SHANK2: variants seen among roughly 807,000 people sequenced by gnomAD.
The protein encoded by SHANK2 is SH3 and multiple ankyrin repeat domains 2, also known as SH3 and multiple ankyrin repeat domains protein 2.
In SHANK2, 43 loss-of-function variants were observed where a neutral mutation model predicts 133.7. That is an observed-to-expected ratio of 0.32 (90% CI 0.25 to 0.41). The LOEUF is 0.41. Among genes scored for constraint, SHANK2 ranks in the 10% least tolerant of loss-of-function variants. SHANK2 has a pLI of 1.00. For synonymous variants in SHANK2, 1,017 were observed against 952.8 expected (o/e 1.07, Z -1.24); for missense variants, 1,994 against 2,235.8 (o/e 0.89, Z 2.18).
chr11:70,847,177 T>C (rs1307810234), intron 11 of SHANK2, among the ~76,000 whole-genome samples: 1 of 152,116 alleles, frequency 6.6e-6, no homozygotes, highest in Non-Finnish European at 1.5e-5. Context: ...CCTGGGAGTG[T>C]GCTAGGGAGA....
At chr11:70,700,651 C>A (rs946198894) in intron 14 of SHANK2, among the ~76,000 whole-genome samples, 2 of 152,322 alleles carry the variant, frequency 1.3e-5, no homozygotes, top group East Asian at 3.9e-4. Context: ...TGGCATCCAG[C>A]ATCTTGCACA....
intron 5 of SHANK2, among the ~76,000 whole-genome samples, chr11:71,112,743 G>A (rs976910060): frequency 8.6e-5 from 13 of 152,000 alleles, no homozygotes; most frequent in African/African-American, 3.1e-4. Context: ...CCTCCTCCTC[G>A]ACTCGCACAG....
intron 17 of SHANK2, among the ~76,000 whole-genome samples, chr11:70,648,295 T>C (rs1306979765): frequency 2.6e-5 from 4 of 152,108 alleles, no homozygotes; most frequent in Admixed American, 6.6e-5. Context: ...TTATGGTCTG[T>C]GTATTTTACC....
At chr11:70,874,369 C>T (rs1428416344) in intron 11 of SHANK2, among the ~76,000 whole-genome samples, 1 of 152,054 alleles carries the variant, frequency 6.6e-6, no homozygotes, top group Non-Finnish European at 1.5e-5. Context: ...TCTATTGAGA[C>T]AGGGTCTCTG....
At chr11:70,665,677 C>T (rs975534708) in intron 15 of SHANK2, among the ~76,000 whole-genome samples, 12 of 152,318 alleles carry the variant, frequency 7.9e-5, no homozygotes, top group African/African-American at 2.6e-4. Context: ...TGAATTTCAA[C>T]CCAGACATTG....
intron 14 of SHANK2, among the ~76,000 whole-genome samples, chr11:70,732,770 A>G (rs928042614): frequency 7.2e-5 from 11 of 152,130 alleles, no homozygotes; most frequent in African/African-American, 2.4e-4. Context: ...TGTCCTGCCT[A>G]GGAAGCCTGC....
chr11:70,586,802 G>A (rs1478376973), intron 17 of SHANK2, among the ~76,000 whole-genome samples: 1 of 152,220 alleles, frequency 6.6e-6, no homozygotes, highest in Non-Finnish European at 1.5e-5. Context: ...CCCCGGAACG[G>A]GGAAGGACAC....
At chr11:70,502,016 G>A (rs782673374) in intron 19 of SHANK2, 85 bp from the exon 20 acceptor site, 11 of 1,454,968 alleles carry the variant, frequency 7.6e-6, no homozygotes, top group East Asian at 2.5e-5. Flanking sequence ...AACGCCCCGC[G>A]AGGCTCCGAG....
intron 14 of SHANK2, among the ~76,000 whole-genome samples, chr11:70,781,222 C>T (rs903324250): frequency 5.9e-5 from 9 of 151,872 alleles, no homozygotes; most frequent in Non-Finnish European, 1.2e-4. Flanking sequence ...AAAATAGGAA[C>T]GACAATACTG....
intron 17 of SHANK2, among the ~76,000 whole-genome samples, chr11:70,561,919 A>C (rs1001648071): frequency 6.6e-6 from 1 of 152,164 alleles, no homozygotes; most frequent in African/African-American, 2.4e-5. Flanking sequence ...CTTCTTTTCT[A>C]GTATAGATAT....
At chr11:70,868,838 G>A (rs562148968) in intron 11 of SHANK2, among the ~76,000 whole-genome samples, 5 of 152,180 alleles carry the variant, frequency 3.3e-5, no homozygotes, top group Admixed American at 6.5e-5. Flanking sequence ...CTCACCCAGG[G>A]TGCCAAAGTC....
intron 13 of SHANK2, among the ~76,000 whole-genome samples, chr11:70,806,716 G>A (rs1200101560): frequency 6.6e-6 from 1 of 152,194 alleles, no homozygotes; most frequent in African/African-American, 2.4e-5. Context: ...TCTGCTCTTC[G>A]ATGCCCTCAT....
chr11:71,204,919 C>T (rs536626928), intron 2 of SHANK2, among the ~76,000 whole-genome samples: 1 of 152,248 alleles, frequency 6.6e-6, no homozygotes, highest in African/African-American at 2.4e-5. Context: ...GGTCCCTCTG[C>T]AGATGGAGAT....
At position 70,636,634 on chromosome 11, in the gene SHANK2, T is replaced by G. The variant is rs560764881; in HGVS notation, c.2061+23194A>C. 2.6e-5 allele frequency among the ~76,000 whole-genome samples: 4 copies of G among 152,220 alleles called. No individual in the cohort carries two copies. The East Asian group carries it at 7.7e-4, about 29-fold the overall frequency. On this transcript the variant is annotated intron_variant, in intron 17 of 25. Coordinates refer to ENST00000601538, the MANE Select transcript of SHANK2 (RefSeq NM_012309.5). ...GTATGCGAGCATGTGTGAGCATGTG[T>G]GCAAATGTGTGAGCATATGAATATA...
intron 10 of SHANK2, among the ~76,000 whole-genome samples, chr11:71,056,257 C>T (rs1211983867): frequency 1.3e-5 from 2 of 152,190 alleles, no homozygotes; most frequent in African/African-American, 4.8e-5. Flanking sequence ...ATTATTTGTG[C>T]CATTTGCTCT....
intron 10 of SHANK2, among the ~76,000 whole-genome samples, chr11:70,916,541 A>G (rs1027534594): frequency 5.9e-5 from 9 of 152,154 alleles, no homozygotes; most frequent in African/African-American, 2.2e-4. Flanking sequence ...ACCCTTTCAC[A>G]CAGTAGCACA....
intron 17 of SHANK2, among the ~76,000 whole-genome samples, chr11:70,506,880 G>A (rs557296039): frequency 6.6e-6 from 1 of 152,270 alleles, no homozygotes; most frequent in African/African-American, 2.4e-5. Flanking sequence ...GCACTTGGGG[G>A]CAGGGAGGTG....
At chr11:70,560,483 GTTTTTTTTTTTTTTTTT>G (rs61143133) in intron 17 of SHANK2, among the ~76,000 whole-genome samples, 3 of 96,006 alleles carry the variant, frequency 3.1e-5, no homozygotes, top group African/African-American at 1.2e-4. Flanking sequence ...CCCCAGTAGG[GTTTTTTTTTTTTTTTTT>G]TTTTTTTTTG....
chr11:70,564,235 T>A (rs1391834993), intron 17 of SHANK2, among the ~76,000 whole-genome samples: 1 of 152,062 alleles, frequency 6.6e-6, no homozygotes, highest in Non-Finnish European at 1.5e-5. Context: ...CCCTCATTAT[T>A]TCTTCAAATA....
Sources: gnomAD v4.1 joint callset for allele counts (sites outside exome capture counted in the v4.1 genomes callset) on GRCh38, gnomAD v4.1.1 for gene constraint, MANE v1.5 for transcripts, NCBI Gene and HGNC (gene_info 2026-07-23, HGNC 2026-07-21) for gene names.